Variants in BCAS2 observed in about 807,000 individuals in gnomAD.
The protein encoded by BCAS2 is BCAS2 pre-mRNA processing factor.
Under a neutral mutation model 35.3 loss-of-function variants are expected in BCAS2, and 34 were observed. The observed-to-expected ratio is 0.96, with a 90% CI of 0.73 to 1.28. The LOEUF is 1.28. BCAS2 is among the 50% of genes most tolerant of loss of function. BCAS2 has a pLI of 0.00. For synonymous variants in BCAS2, 75 were observed against 91.6 expected, an observed-to-expected ratio of 0.82 and a Z score of 1.03; for missense variants, 221 against 268.1, an observed-to-expected ratio of 0.82 and a Z score of 1.23.
In BCAS2 at chr1:114,570,681, A is replaced by G; in HGVS notation, c.470+19T>C. 1 of 1,541,858 alleles carries G rather than the reference A, an allele frequency of 6.5e-7. No individual in the cohort carries two copies. The highest frequency in any genetic ancestry group is 1.4e-5 in the African/African-American group (1 of 72,796). On this transcript the variant is annotated intron_variant, in intron 5 of 6. Coordinates refer to ENST00000369541, the MANE Select transcript of BCAS2 (RefSeq NM_005872.3). The stretch of plus-strand genomic sequence containing the variant: ...AGGTTCACTTAAACTTCATTCTGTA[A>G]TAGGAAAAAACAATTTACCTTAACT...
chr1:114,576,822 C>G, intron 2 of BCAS2, 64 bp from the exon 3 acceptor site: 1 of 1,268,784 alleles, frequency 7.9e-7, no homozygotes, highest in East Asian at 2.4e-5. Flanking sequence ...TAACAATCAC[C>G]AAAGAACAGA....
In BCAS2 at chr1:114,567,876, A is replaced by T; in HGVS notation, c.*254T>A. On this transcript the variant is annotated 3_prime_UTR_variant, in exon 7 of 7. Coordinates refer to ENST00000369541, the MANE Select transcript of BCAS2 (RefSeq NM_005872.3). Reference sequence around the variant, plus strand: ...CTGAAAATTAATTCTATGACACAATATTATTCTAAAGTCATCCTTATTTTG... The same window carrying T: ...CTGAAAATTAATTCTATGACACAATTTTATTCTAAAGTCATCCTTATTTTG... The T allele has an allele frequency of 2.9e-6, 1 of 350,178 alleles. No homozygotes were observed. The highest frequency in any genetic ancestry group is 5.1e-6 in the Non-Finnish European group (1 of 195,224). 21.7% of individuals were successfully genotyped at this position (350,178 alleles called of 1,614,324 possible).
chr1:114,568,264 G>C lies in BCAS2; in HGVS notation c.552-8C>G. 1.9e-6 allele frequency: 3 copies of C among 1,605,186 alleles called. No individual in the cohort carries two copies. The highest frequency in any genetic ancestry group is 1.3e-5 in the African/African-American group (1 of 74,406). On this transcript the variant is annotated splice_region_variant and splice_polypyrimidine_tract_variant and intron_variant, in intron 6 of 6. Transcript: ENST00000369541. ...CTGACCAGGGATACCCAACTAGAAT[G>C]GGGGGGAAGAAAAGAAAAAAATTAC...
At position 114,581,363 on chromosome 1, in the gene BCAS2, C is replaced by A; in HGVS notation, c.122G>T (p.Arg41Leu). Reference sequence around the variant, plus strand: ...GTAGTTCTTAGTAGGTCGGTATCTGCGAGTTTCCTCCTCCACCAGCGCTGC... The same window carrying A: ...GTAGTTCTTAGTAGGTCGGTATCTGAGAGTTTCCTCCTCCACCAGCGCTGC... ...AAAALVEEET[R>L]RYRPTKNYLS... Residue 41 changes from arginine (R) to leucine (L), a missense_variant, in exon 2 of 7, where the codon CGC becomes CTC. Arg to Leu is a moderately radical substitution (Grantham distance 102). Transcript: ENST00000369541. The A allele has an allele frequency of 1.2e-6, 2 of 1,614,174 alleles. No individual in the cohort carries two copies. The highest frequency in any genetic ancestry group is 1.7e-6 in the Non-Finnish European group (2 of 1,180,034).
At chr1:114,581,412 C>T in intron 1 of BCAS2, 21 bp from the exon 2 acceptor site, 1 of 1,614,068 alleles carries the variant, frequency 6.2e-7, no homozygotes, top group Non-Finnish European at 8.5e-7. Context: ...GAATAGGGAC[C>T]AGGGTAGAAG....
chr1:114,573,954 C>T lies in BCAS2; in HGVS notation c.419+1636G>A, dbSNP rs76960282. Among the ~76,000 whole-genome samples the T allele has an allele frequency of 8.0e-4, 122 of 152,242 alleles. 3 individuals are homozygous for T. In the East Asian group the frequency reaches 0.02, roughly 26 times the overall value. ...CTATGTTTCAGGAAACATACTCTAA[C>T]GAAAGTTGTACATACTGTTATGAAG... On this transcript the variant is annotated intron_variant, in intron 4 of 6. Transcript: ENST00000369541.
rs1172364885 is a variant in BCAS2, at chr1:114,575,737, G to C, written c.272C>G (p.Ala91Gly). Residue 91 changes from alanine (A) to glycine (G), a missense_variant, in exon 4 of 7, where the codon GCC (alanine) becomes GGC (glycine). By Grantham distance (60) the Ala-to-Gly change is moderately conservative. Coordinates refer to ENST00000369541, the MANE Select transcript of BCAS2 (RefSeq NM_005872.3). Reference protein sequence around the residue: ...LLSMKRYELPAPSSGQKNDIT... With the variant: ...LLSMKRYELPGPSSGQKNDIT... ...GTCATTTTTTTGACCAGAGGAGGGG[G>C]CTGGAAGCTCATATCTGAAATTAAA... 1 of 1,611,446 alleles carries C rather than the reference G, an allele frequency of 6.2e-7. No homozygotes were observed. Among genetic ancestry groups the C allele is most frequent in the South Asian group, 1.1e-5 (1 of 90,322 alleles).
chr1:114,570,285 C>T (rs1344014951), intron 5 of BCAS2, among the ~76,000 whole-genome samples: 2 of 152,098 alleles, frequency 1.3e-5, no homozygotes, highest in African/African-American at 4.8e-5. Context: ...CACACACACA[C>T]ACAAGCACAC....
intron 2 of BCAS2, 146 bp downstream of exon 2, chr1:114,581,153 T>C: frequency 1.2e-6 from 1 of 802,712 alleles, no homozygotes; most frequent in African/African-American, 1.7e-5. Flanking sequence ...GACTTATCTA[T>C]CTAGTTGTTT....
intron 5 of BCAS2, 46 bp from the exon 6 acceptor site, chr1:114,570,118 C>T (rs1654609081): frequency 7.6e-7 from 1 of 1,319,206 alleles, no homozygotes; most frequent in African/African-American, 1.5e-5. Context: ...TAATGTAAGA[C>T]CTAAATCAAC....
At chr1:114,572,795 G>GT (rs1654673475) in intron 4 of BCAS2, among the ~76,000 whole-genome samples, 1 of 152,110 alleles carries the variant, frequency 6.6e-6, no homozygotes. Flanking sequence ...AGTTGAGGTA[G>GT]TAAGGAAAAG....
intron 4 of BCAS2, among the ~76,000 whole-genome samples, chr1:114,574,964 G>C (rs967064407): frequency 6.6e-5 from 10 of 151,736 alleles, no homozygotes; most frequent in Admixed American, 5.9e-4. Context: ...CTGCCTCCCA[G>C]GTTCAAGCAA....
chr1:114,577,478 T>G (rs1345861983), intron 2 of BCAS2, among the ~76,000 whole-genome samples: 1 of 152,236 alleles, frequency 6.6e-6, no homozygotes, highest in East Asian at 1.9e-4. Context: ...GCGATTCTCT[T>G]GCCTCAGCCT....
In BCAS2 at chr1:114,567,960, T is replaced by G. The variant is rs1557929287; in HGVS notation, c.*170A>C. 1 of 832,620 alleles carries G rather than the reference T, an allele frequency of 1.2e-6. No homozygotes were observed. Among genetic ancestry groups the G allele is most frequent in the East Asian group, 2.5e-5 (1 of 39,276 alleles). The allele number at this position is 832,620 out of a possible 1,614,324, so 51.6% of individuals were successfully genotyped here. A position where few individuals can be genotyped will look rare whatever the true frequency, so the allele number is the denominator to read the frequency against. On this transcript the variant is annotated 3_prime_UTR_variant, in exon 7 of 7. Coordinates refer to ENST00000369541, the MANE Select transcript of BCAS2 (RefSeq NM_005872.3). Reference sequence around the variant, plus strand: ...ATACCACCAAGCTAGACATTTTAATTCTGTTGAGATATACAAATAGAATTA... The same window carrying G: ...ATACCACCAAGCTAGACATTTTAATGCTGTTGAGATATACAAATAGAATTA...
At chr1:114,576,849 C>G in intron 2 of BCAS2, 91 bp from the exon 3 acceptor site, 1 of 893,438 alleles carries the variant, frequency 1.1e-6, no homozygotes, top group Non-Finnish European at 1.7e-6. Context: ...CTACACTACC[C>G]ATTATAATGA....
In BCAS2 at chr1:114,570,721, T is replaced by C; in HGVS notation, c.449A>G (p.Gln150Arg). The stretch of plus-strand genomic sequence containing the variant: ...TTACCTTAACTTCTGAAGTTCCTTC[T>C]GTGCGTGTTCAATCATATGAACTAG... The part of the protein sequence containing the change: ...ENLVHMIEHA[Q>R]KELQKLRKHI... Residue 150 changes from glutamine (Q) to arginine (R), a missense_variant, in exon 5 of 7, where the codon CAG (glutamine) becomes CGG (arginine). Transcript: ENST00000369541. 6.3e-7 allele frequency: 1 copy of C among 1,593,058 alleles called. No individual in the cohort carries two copies. The highest frequency in any genetic ancestry group is 8.6e-7 in the Non-Finnish European group (1 of 1,166,218).
Position 114,581,406 on chromosome 1 carries a change from A to T in BCAS2, c.94-15T>A, listed in dbSNP as rs1274214178. 32 of 1,614,050 alleles carry T rather than the reference A, an allele frequency of 2.0e-5. No homozygotes were observed. The highest frequency in any genetic ancestry group is 2.7e-5 in the Non-Finnish European group (32 of 1,180,024). On this transcript the variant is annotated splice_polypyrimidine_tract_variant and intron_variant, in intron 1 of 6. Coordinates refer to ENST00000369541, the MANE Select transcript of BCAS2 (RefSeq NM_005872.3). Reference sequence around the variant, plus strand: ...AGCGCTGCAGCCTAAGAAAGAGAATAGGGACCAGGGTAGAAGTGGCAAATT... The same window carrying T: ...AGCGCTGCAGCCTAAGAAAGAGAATTGGGACCAGGGTAGAAGTGGCAAATT...
intron 2 of BCAS2, 85 bp downstream of exon 2, chr1:114,581,214 G>C: frequency 2.9e-6 from 4 of 1,385,166 alleles, no homozygotes; most frequent in Non-Finnish European, 3.1e-6. Context: ...TGCAGGCAAT[G>C]GTTAAAACTG....
rs192154721 is a variant in BCAS2 at position 114,571,817 on chromosome 1, A to G, written c.420-1067T>C. Among the ~76,000 whole-genome samples the G allele has an allele frequency of 8.5e-5, 13 of 152,290 alleles. No homozygotes were observed. The East Asian group carries it at 2.5e-3, about 30-fold the overall frequency. ...GTCTACTGCTAACTAGAGAGAGGTG[A>G]GAAAAAGAAAACTGTTGTAGAATGA... On this transcript the variant is annotated intron_variant, in intron 4 of 6. Transcript: ENST00000369541.
Sources: allele counts gnomAD v4.1 joint callset (sites outside exome capture counted in the v4.1 genomes callset), GRCh38; gene constraint gnomAD v4.1.1; transcripts MANE v1.5; gene names NCBI Gene and HGNC (gene_info 2026-07-23, HGNC 2026-07-21).